The following NFX1 variants were observed in gnomAD, a reference collection of about 807,000 sequenced individuals.
NFX1 encodes the protein transcriptional repressor NF-X1.
Under a neutral mutation model 137.2 loss-of-function variants are expected in NFX1, and 69 were observed. That is an observed-to-expected ratio of 0.50 (90% CI 0.41 to 0.61). The LOEUF (loss-of-function observed/expected upper bound fraction) is 0.61. Among genes scored for constraint, NFX1 ranks in the 20% least tolerant of loss-of-function variants. NFX1 has a pLI of 0.00. For synonymous variants in NFX1, 495 were observed against 474.1 expected, an observed-to-expected ratio of 1.04 and a Z score of -0.57; for missense variants, 1,167 against 1,391.0, an observed-to-expected ratio of 0.84 and a Z score of 2.56.
chr9:33,333,944 A>T (rs138036626), intron 11 of NFX1, among the ~76,000 whole-genome samples: 2,335 of 152,344 alleles, frequency 0.015, 61 homozygotes, highest in African/African-American at 0.054. Flanking sequence ...CAGGAGTTCA[A>T]GGCCAGCCTA....
chr9:33,359,855 T>C (rs1823934496), intron 19 of NFX1, among the ~76,000 whole-genome samples: 1 of 152,260 alleles, frequency 6.6e-6, no homozygotes, highest in Admixed American at 6.5e-5. Context: ...TCTCATAACT[T>C]GTCTTTGAAA....
intron 11 of NFX1, among the ~76,000 whole-genome samples, chr9:33,333,604 T>G (rs10121477): frequency 0.046 from 7,077 of 152,224 alleles, 486 homozygotes; most frequent in African/African-American, 0.15. Context: ...TGTGTCCAAT[T>G]CTTCTGCCTA....
At chr9:33,336,216 T>C (rs909110778) in intron 11 of NFX1, among the ~76,000 whole-genome samples, 2 of 152,078 alleles carry the variant, frequency 1.3e-5, no homozygotes, top group Admixed American at 1.3e-4. Flanking sequence ...TCTGGGTTTT[T>C]TTGGTTTTTG....
At chr9:33,343,901 A>G (rs1299060815) in intron 13 of NFX1, among the ~76,000 whole-genome samples, 168 bp from the exon 14 acceptor site, 1 of 152,222 alleles carries the variant, frequency 6.6e-6, no homozygotes, top group African/African-American at 2.4e-5. Context: ...CTTAGCTTTA[A>G]TAAAATAAAA....
chr9:33,348,761 T>G (rs1823527141), intron 15 of NFX1: 5 of 985,114 alleles, frequency 5.1e-6, no homozygotes, highest in Non-Finnish European at 6.0e-6. Context: ...AAGATTTAAT[T>G]CTGCTACTGA....
At position 33,290,612 on chromosome 9, in the gene NFX1, C is replaced by A; in HGVS notation, c.25+15C>A. 6.2e-7 allele frequency: 1 copy of A among 1,611,508 alleles called. No individual in the cohort carries two copies. Among genetic ancestry groups the A allele is most frequent in the Non-Finnish European group, 8.5e-7 (1 of 1,179,200 alleles). On this transcript the variant is annotated intron_variant, in intron 1 of 23. Coordinates refer to ENST00000379540, the MANE Select transcript of NFX1 (RefSeq NM_002504.6). The stretch of plus-strand genomic sequence containing the variant: ...TCCTGTCTCAGGTATTGTCCCGGCC[C>A]GAGCGGGACTGGGCCCCTTTCAGGG...
At chr9:33,329,869 G>C (rs1419290914) in intron 10 of NFX1, among the ~76,000 whole-genome samples, 1 of 152,086 alleles carries the variant, frequency 6.6e-6, no homozygotes, top group East Asian at 1.9e-4. Context: ...ATGTTGGCCA[G>C]GCTGGTCTCA....
In NFX1 at chr9:33,366,775, G is replaced by A. The variant is rs1338073405; in HGVS notation, c.3185+1G>A. On this transcript the variant is annotated splice_donor_variant, in intron 22 of 23. Transcript: ENST00000379540. LOFTEE classifies it high-confidence loss of function. ...GCAATGTGGTGGTCACTGCCATCAG[G>A]TAGGTCAATCCCGCCGTCAGAGGAA... is the stretch of plus-strand genomic sequence containing the variant. The A allele has an allele frequency of 2.5e-6, 4 of 1,613,258 alleles. No individual in the cohort carries two copies. The African/African-American group carries it at 4.0e-5, about 16-fold the overall frequency.
rs1823638807 is a variant in NFX1, at chr9:33,351,604, A to C, written c.2469A>C (p.Gly823=). ...GTCACCTGGTTGATATCTCTTGCGGATTACCCTGCAGTGCCACGCTACCAT... is the reference window on the plus strand; with the variant it reads ...GTCACCTGGTTGATATCTCTTGCGGCTTACCCTGCAGTGCCACGCTACCAT... ...IPCHLVDISC[G]LPCSATLPCG... is the part of the protein sequence containing the mutation. The change falls in exon 16 of 24, where the codon GGA becomes GGC. Residue 823 remains glycine (G), a synonymous_variant. Coordinates refer to ENST00000379540, the MANE Select transcript of NFX1 (RefSeq NM_002504.6). The C allele has an allele frequency of 6.2e-7, 1 of 1,614,158 alleles. No individual in the cohort carries two copies. Among genetic ancestry groups the C allele is most frequent in the South Asian group, 1.1e-5 (1 of 91,088 alleles).
intron 3 of NFX1, 100 bp downstream of exon 3, chr9:33,301,521 T>G: frequency 7.7e-7 from 1 of 1,304,456 alleles, no homozygotes; most frequent in Non-Finnish European, 1.0e-6. Flanking sequence ...TTCTCTTAAC[T>G]ACTTTTTCTG....
rs1822680380 is a variant in NFX1 at position 33,328,507 on chromosome 9, T to C, written c.1907-74T>C. The C allele has an allele frequency of 1.0e-5, 11 of 1,090,058 alleles. No homozygotes were observed. In the East Asian group the frequency reaches 2.6e-4, roughly 26 times the overall value. 67.5% of individuals were successfully genotyped at this position (1,090,058 alleles called of 1,614,324 possible). A position where few individuals can be genotyped will look rare whatever the true frequency, so the allele number is the denominator to read the frequency against. Reference sequence around the variant, plus strand: ...CAGGGCATGGAGGGGAAGACCAGTGTGGCTAGCAAATTTGGGAGTATGAAA... The same window carrying C: ...CAGGGCATGGAGGGGAAGACCAGTGCGGCTAGCAAATTTGGGAGTATGAAA... On this transcript the variant is annotated intron_variant, in intron 9 of 23. Coordinates refer to ENST00000379540, the MANE Select transcript of NFX1 (RefSeq NM_002504.6).
chr9:33,303,938 CT>C (rs1821665576), intron 4 of NFX1, among the ~76,000 whole-genome samples: 1 of 152,144 alleles, frequency 6.6e-6, no homozygotes, highest in African/African-American at 2.4e-5. Flanking sequence ...TGCATTTTTG[CT>C]TCTGTCTTGT....
At chr9:33,311,615 C>T (rs1002607506) in intron 6 of NFX1, among the ~76,000 whole-genome samples, 2 of 151,518 alleles carry the variant, frequency 1.3e-5, no homozygotes, top group African/African-American at 4.9e-5. Flanking sequence ...TGCAGTGGTG[C>T]GATCTCGGCT....
Position 33,319,008 on chromosome 9 carries a change from G to T in NFX1, c.1787G>T (p.Cys596Phe). 6.2e-7 allele frequency: 1 copy of T among 1,614,208 alleles called. No individual in the cohort carries two copies. Among genetic ancestry groups the T allele is most frequent in the Non-Finnish European group, 8.5e-7 (1 of 1,180,034 alleles). Residue 596 changes from cysteine to phenylalanine, a missense_variant, in exon 9 of 24, where the codon TGT (cysteine) becomes TTT (phenylalanine). Around this residue, in one of 3 missense-constraint regions of NFX1, gnomAD observed 488 missense variants for 691.5 expected, o/e 0.71. Transcript: ENST00000379540. The stretch of plus-strand genomic sequence containing the variant: ...CCCCAGCTGGTGCGCTGTTGCCCCT[G>T]TGGCCAAACTCCTCTCAGCCAATTG... ...RLPQLVRCCP[C>F]GQTPLSQLLE... is the part of the protein sequence containing the mutation.
At chr9:33,342,048 G>A (rs1367155710) in intron 12 of NFX1, among the ~76,000 whole-genome samples, 2 of 151,864 alleles carry the variant, frequency 1.3e-5, no homozygotes, top group African/African-American at 2.4e-5. Flanking sequence ...CCCAGGAGGT[G>A]GAGGTTGCAG....
At chr9:33,345,183 A>C (rs1823373967) in intron 14 of NFX1, among the ~76,000 whole-genome samples, 1 of 150,194 alleles carries the variant, frequency 6.7e-6, no homozygotes, top group Non-Finnish European at 1.5e-5. Flanking sequence ...AGAAAAAGAA[A>C]AAGAAAAAAA....
chr9:33,363,231 A>G (rs952077496), intron 19 of NFX1, among the ~76,000 whole-genome samples: 1 of 150,754 alleles, frequency 6.6e-6, no homozygotes, highest in Admixed American at 6.6e-5. Context: ...AGCAATGACA[A>G]TGGGTCAATA....
chr9:33,327,994 A>G (rs1288913059), intron 9 of NFX1, among the ~76,000 whole-genome samples: 2 of 152,032 alleles, frequency 1.3e-5, no homozygotes, highest in Non-Finnish European at 2.9e-5. Context: ...CCTGAGGAAA[A>G]AGAAGATTTA....
At chr9:33,310,933 A>T (rs952684080) in intron 5 of NFX1, among the ~76,000 whole-genome samples, 173 bp from the exon 6 acceptor site, 1 of 152,226 alleles carries the variant, frequency 6.6e-6, no homozygotes, top group African/African-American at 2.4e-5. Context: ...TTTTGCACAT[A>T]AAAGTACAGT....
Sources: allele counts gnomAD v4.1 joint callset (sites outside exome capture counted in the v4.1 genomes callset), GRCh38; gene constraint gnomAD v4.1.1; regional missense constraint gnomAD v4.1.1; transcripts MANE v1.5; gene names NCBI Gene and HGNC (gene_info 2026-07-23, HGNC 2026-07-21).